The following UBAP2 variants were observed in gnomAD, a reference collection of about 807,000 sequenced individuals.
UBAP2 encodes ubiquitin-associated protein 2.
A neutral mutation model predicts 139.6 loss-of-function variants in UBAP2; 75 were observed. The ratio of observed to expected loss-of-function variants is 0.54; its 90% CI spans 0.45 to 0.65. The LOEUF (loss-of-function observed/expected upper bound fraction) is 0.65. Ranked by LOEUF, UBAP2 falls within the 30% of genes least tolerant of loss-of-function variation. The probability of loss-of-function intolerance (pLI) is 0.00; values close to 1 mark genes in which losing one functional copy is unlikely to be tolerated. For missense variants in UBAP2, 1,368 were observed against 1,369.6 expected, an observed-to-expected ratio of 1.00 and a Z score of 0.02; for synonymous variants, 526 against 526.2, an observed-to-expected ratio of 1.00 and a Z score of 0.01.
intron 2 of UBAP2, among the ~76,000 whole-genome samples, chr9:34,008,383 C>A (rs568086907): frequency 1.3e-4 from 20 of 151,460 alleles, no homozygotes; most frequent in African/African-American, 4.8e-4. Flanking sequence ...AATTCTACCA[C>A]CTTCTGGTTC....
intron 16 of UBAP2, among the ~76,000 whole-genome samples, chr9:33,938,058 T>G (rs1824756070): frequency 6.6e-6 from 1 of 152,146 alleles, no homozygotes; most frequent in Non-Finnish European, 1.5e-5. Flanking sequence ...TGTGCAGTGG[T>G]GTGATCTCGG....
intron 6 of UBAP2, among the ~76,000 whole-genome samples, chr9:33,979,124 A>C (rs1028449425): frequency 3.3e-5 from 5 of 152,140 alleles, no homozygotes; most frequent in African/African-American, 1.2e-4. Context: ...AGTCCTATCT[A>C]CTCAGGAAGC....
intron 6 of UBAP2, among the ~76,000 whole-genome samples, chr9:33,980,905 C>T (rs1235234021): frequency 6.6e-6 from 1 of 150,800 alleles, no homozygotes; most frequent in Non-Finnish European, 1.5e-5. Flanking sequence ...CAAGATCACA[C>T]CACTGCACAC....
intron 1 of UBAP2, among the ~76,000 whole-genome samples, chr9:34,041,829 G>A (rs1291594591): frequency 6.6e-6 from 1 of 152,018 alleles, no homozygotes; most frequent in Non-Finnish European, 1.5e-5. Context: ...TTCGAGACCA[G>A]CCTGGCTAAC....
At chr9:33,974,947 G>C (rs1294224709) in intron 6 of UBAP2, among the ~76,000 whole-genome samples, 3 of 144,616 alleles carry the variant, frequency 2.1e-5, no homozygotes, top group African/African-American at 7.7e-5. Flanking sequence ...AAAGGGGGGG[G>C]TGCGGGGGGG....
At chr9:33,953,795 T>C (rs1325409299) in intron 11 of UBAP2, among the ~76,000 whole-genome samples, 1 of 152,156 alleles carries the variant, frequency 6.6e-6, no homozygotes, top group Admixed American at 6.6e-5. Context: ...TCAAGTTTGG[T>C]TCATTTTACC....
chr9:33,925,084 C>T (rs531897072), intron 22 of UBAP2, among the ~76,000 whole-genome samples: 66 of 152,200 alleles, frequency 4.3e-4, no homozygotes, highest in African/African-American at 1.5e-3. Flanking sequence ...AGTGGAGCTT[C>T]GTGGAGGAGG....
intron 2 of UBAP2, among the ~76,000 whole-genome samples, chr9:34,001,138 A>AT (rs1352976898): frequency 1.3e-5 from 2 of 152,220 alleles, no homozygotes; most frequent in African/African-American, 4.8e-5. Flanking sequence ...AAAAGATGGC[A>AT]TTTCCACATT....
intron 1 of UBAP2, among the ~76,000 whole-genome samples, chr9:34,031,797 A>G (rs1825914059): frequency 6.6e-6 from 1 of 151,852 alleles, no homozygotes; most frequent in South Asian, 2.1e-4. Flanking sequence ...ACCAAAAAAA[A>G]AAAAAAGAAA....
At chr9:34,004,279 A>T (rs528666741) in intron 2 of UBAP2, among the ~76,000 whole-genome samples, 89 of 152,262 alleles carry the variant, frequency 5.8e-4, no homozygotes, top group South Asian at 1.9e-3. Context: ...TGTAATTTTT[A>T]TTTCTTAGCT....
At chr9:33,980,111 C>T (rs1056793037) in intron 6 of UBAP2, among the ~76,000 whole-genome samples, 1 of 150,938 alleles carries the variant, frequency 6.6e-6, no homozygotes, top group African/African-American at 2.4e-5. Context: ...ATCAAATCTT[C>T]AAGCAAAGCT....
intron 1 of UBAP2, among the ~76,000 whole-genome samples, chr9:34,042,249 T>G (rs1272895920): frequency 6.6e-6 from 1 of 150,592 alleles, no homozygotes; most frequent in African/African-American, 2.4e-5. Flanking sequence ...GGAGCTCAGG[T>G]GGGCGGATCA....
intron 1 of UBAP2, among the ~76,000 whole-genome samples, chr9:34,025,075 T>G (rs192673398): frequency 6.4e-4 from 97 of 152,250 alleles, no homozygotes; most frequent in Middle Eastern, 3.4e-3. Flanking sequence ...CCTTAAAAAT[T>G]GTTACCACCA....
At chr9:33,950,745 T>C (rs1467815575) in intron 12 of UBAP2, among the ~76,000 whole-genome samples, 3 of 152,218 alleles carry the variant, frequency 2.0e-5, no homozygotes, top group East Asian at 3.8e-4. Context: ...CATCAGCTAG[T>C]TTTATCAAAT....
intron 21 of UBAP2, 131 bp downstream of exon 21, chr9:33,926,858 G>C (rs1003992061): frequency 3.0e-5 from 31 of 1,016,604 alleles, no homozygotes; most frequent in South Asian, 2.8e-4. Context: ...CAGTGGGGCA[G>C]AGACGGGGGT....
chr9:33,995,726 CCTT>C (rs1822148818), intron 4 of UBAP2: 2 of 147,662 alleles, frequency 1.4e-5, no homozygotes, highest in African/African-American at 2.5e-5. Context: ...TTAGCTGTAT[CCTT>C]CTTAAAATCC....
chr9:33,946,585 G>A (rs1347125036), intron 13 of UBAP2, among the ~76,000 whole-genome samples: 2 of 152,222 alleles, frequency 1.3e-5, no homozygotes, highest in East Asian at 3.9e-4. Context: ...TTTAGCCTTT[G>A]TGTCTCATCA....
chr9:34,026,102 G>A (rs1474046889), intron 1 of UBAP2, among the ~76,000 whole-genome samples: 1 of 152,106 alleles, frequency 6.6e-6, no homozygotes, highest in African/African-American at 2.4e-5. Flanking sequence ...TACCCTAAAC[G>A]AAAAGCAAGG....
chr9:34,015,608 T>A (rs1174398427), intron 2 of UBAP2, among the ~76,000 whole-genome samples: 1 of 152,126 alleles, frequency 6.6e-6, no homozygotes, highest in Non-Finnish European at 1.5e-5. Context: ...ATTACAGGCA[T>A]GAGCCACTGC....
Sources: gnomAD v4.1 joint callset for allele counts (sites outside exome capture counted in the v4.1 genomes callset) on GRCh38, gnomAD v4.1.1 for gene constraint, MANE v1.5 for transcripts, NCBI Gene and HGNC (gene_info 2026-07-23, HGNC 2026-07-21) for gene names.